BANP: variants seen among roughly 807,000 people sequenced by gnomAD.
BANP encodes BTG3 associated nuclear protein.
In BANP, 11 loss-of-function variants were observed where a neutral mutation model predicts 68.1. The observed-to-expected ratio is 0.16, with a 90% confidence interval of 0.10 to 0.27. BANP has a LOEUF of 0.27. BANP is among the 10% of genes least tolerant of loss of function. The pLI, the probability that BANP is intolerant of heterozygous loss-of-function variation, is 1.00. For synonymous variants in BANP, 329 were observed against 303.2 expected, an observed-to-expected ratio of 1.09 and a Z score of -0.88; for missense variants, 504 against 722.7, an observed-to-expected ratio of 0.70 and a Z score of 3.47.
chr16:87,974,480 C>A (rs986835687), intron 1 of BANP, among the ~76,000 whole-genome samples: 12 of 152,168 alleles, frequency 7.9e-5, no homozygotes, highest in African/African-American at 2.7e-4. Context: ...AGAAAGAAAG[C>A]AGAACAGAGG....
intron 11 of BANP, among the ~76,000 whole-genome samples, chr16:88,044,813 C>G (rs2081595722): frequency 6.6e-6 from 1 of 152,180 alleles, no homozygotes; most frequent in Non-Finnish European, 1.5e-5. Context: ...GAAACCCCTT[C>G]TCTACTAAAA....
In BANP at chr16:88,026,617, G is replaced by C. The variant is rs2077044015; in HGVS notation, c.896-866G>C. Among the ~76,000 whole-genome samples the C allele has an allele frequency of 3.9e-5, 6 of 152,134 alleles. 1 individual carries two copies. Among genetic ancestry groups the C allele is most frequent in the Admixed American group, 3.9e-4 (6 of 15,284 alleles). On this transcript the variant is annotated intron_variant, in intron 7 of 13. Transcript: ENST00000682872. ...CCAAACTGTGTTTACCAGGGGAACA[G>C]AGTAACAATACATACATGAATTCTC...
At position 88,001,127 on chromosome 16, in the gene BANP, C is replaced by T. The variant is rs536355390; in HGVS notation, c.363-3168C>T. On this transcript the variant is annotated intron_variant, in intron 4 of 13. Coordinates refer to ENST00000682872, the MANE Select transcript of BANP (RefSeq NM_001386991.1). ...CAGGCCTTCCAGACACGTCTCCATGCACGCACGTGCGCGGCTGTACTTACC... is the reference window on the plus strand; with the variant it reads ...CAGGCCTTCCAGACACGTCTCCATGTACGCACGTGCGCGGCTGTACTTACC... Among the ~76,000 whole-genome samples, 215 of 95,934 alleles carry T rather than the reference C, an allele frequency of 2.2e-3. 4 individuals are homozygous for T. The highest frequency in any genetic ancestry group is 9.6e-3 in the African/African-American group (203 of 21,154). The allele number at this position is 95,934 out of a possible 152,430, so 62.9% of individuals were successfully genotyped here.
Position 88,021,572 on chromosome 16 carries a change from A to G in BANP, c.895+2905A>G, listed in dbSNP as rs115294866. On this transcript the variant is annotated intron_variant, in intron 7 of 13. Transcript: ENST00000682872. ...GCGTGCCTGCGTGGCTCGTGCTTAG[A>G]CGGAATTGCTGAAACGTAAAAAGCA... Among the ~76,000 whole-genome samples, 1,268 of 152,306 alleles carry G rather than the reference A, an allele frequency of 8.3e-3. 18 individuals carry two copies. The highest frequency in any genetic ancestry group is 0.028 in the African/African-American group (1,184 of 41,566).
chr16:88,066,349 A>G (rs1215621881), intron 12 of BANP, among the ~76,000 whole-genome samples: 4 of 152,178 alleles, frequency 2.6e-5, no homozygotes, highest in African/African-American at 9.6e-5. Flanking sequence ...TTTTACTTTG[A>G]GTGAAACTCG....
chr16:88,045,897 T>G (rs776572991), intron 11 of BANP, among the ~76,000 whole-genome samples: 11 of 152,160 alleles, frequency 7.2e-5, no homozygotes, highest in Non-Finnish European at 1.3e-4. Flanking sequence ...AGTGCCCTCT[T>G]CACTGCAGTG....
chr16:87,954,500 T>C (rs1441526609), intron 1 of BANP, among the ~76,000 whole-genome samples: 1 of 152,206 alleles, frequency 6.6e-6, no homozygotes, highest in South Asian at 2.1e-4. Context: ...GGGGTGCTTT[T>C]GAAAGAGTCC....
chr16:87,980,022 C>G (rs1039582946), intron 2 of BANP, among the ~76,000 whole-genome samples: 1 of 152,150 alleles, frequency 6.6e-6, no homozygotes, highest in African/African-American at 2.4e-5. Context: ...GCAGACAAAC[C>G]TGTTGATGAG....
At chr16:87,963,677 G>A (rs945952499) in intron 1 of BANP, among the ~76,000 whole-genome samples, 8 of 152,232 alleles carry the variant, frequency 5.3e-5, no homozygotes, top group African/African-American at 1.9e-4. Context: ...AACCCGTTAC[G>A]TTGTGACACC....
chr16:87,990,732 T>C (rs987821851), intron 4 of BANP, among the ~76,000 whole-genome samples: 10 of 152,206 alleles, frequency 6.6e-5, no homozygotes, highest in Admixed American at 2.0e-4. Context: ...GACTGGTCTA[T>C]ACTACCTTGC....
intron 2 of BANP, among the ~76,000 whole-genome samples, chr16:87,978,902 G>T (rs1340620954): frequency 2.0e-5 from 3 of 152,202 alleles, no homozygotes; most frequent in Non-Finnish European, 4.4e-5. Context: ...CCCAGCTCAG[G>T]GCGGCCACAG....
rs1363021215 is a variant in BANP at position 88,004,301 on chromosome 16, C to A, written c.369C>A (p.Val123=). 7 of 1,536,502 alleles carry A rather than the reference C, an allele frequency of 4.6e-6. No individual in the cohort carries two copies. The highest frequency in any genetic ancestry group is 2.0e-5 in the Admixed American group (1 of 50,980). Residue 123 remains valine, a synonymous_variant, in exon 5 of 14, where the codon GTC becomes GTA. Transcript: ENST00000682872. This position sits in a 1 kb window ranked among gnomAD's most constrained non-coding sequence, Gnocchi z 7.0. ...TGATTCTTTTGTTCCCTAGCGTCGT[C>A]CCCCAGACTACAGTAATACTCAACA... ...TQTCNKVRCV[V]PQTTVILNND...
chr16:87,963,470 T>G (rs1045901225), intron 1 of BANP: 4 of 152,272 alleles, frequency 2.6e-5, no homozygotes, highest in African/African-American at 7.2e-5. Flanking sequence ...TCTGCATGGA[T>G]CTGATCACGG....
At chr16:88,014,515 T>G (rs1181211078) in intron 6 of BANP, among the ~76,000 whole-genome samples, 1 of 152,092 alleles carries the variant, frequency 6.6e-6, no homozygotes, top group Non-Finnish European at 1.5e-5. Context: ...ACTCACTGTT[T>G]GAAAAACAAC....
intron 11 of BANP, among the ~76,000 whole-genome samples, chr16:88,043,291 C>G (rs576967250): frequency 1.2e-3 from 178 of 152,286 alleles, no homozygotes; most frequent in African/African-American, 4.0e-3. Flanking sequence ...CTGCGTAGAG[C>G]TGAGCCTGGG....
At chr16:88,034,628 C>T (rs904042754) in intron 9 of BANP, among the ~76,000 whole-genome samples, 1 of 152,090 alleles carries the variant, frequency 6.6e-6, no homozygotes, top group Non-Finnish European at 1.5e-5. Context: ...CTCCCAGTAT[C>T]CCCAGAGAGC....
chr16:87,957,808 G>C lies in BANP; in HGVS notation c.-69+6293G>C, dbSNP rs1567574079. Among the ~76,000 whole-genome samples, 1 of 152,158 alleles carries C rather than the reference G, an allele frequency of 6.6e-6. No homozygotes were observed. The highest frequency in any genetic ancestry group is 1.9e-4 in the East Asian group (1 of 5,192). ...TCACCAGATGACGCGGGGGGAATTG[G>C]GCCACGGTCCCTGCTGTCATCATGG... On this transcript the variant is annotated intron_variant, in intron 1 of 13. Coordinates refer to ENST00000682872, the MANE Select transcript of BANP (RefSeq NM_001386991.1). This position sits in a 1 kb window ranked among gnomAD's most constrained non-coding sequence, Gnocchi z 4.3.
intron 1 of BANP, among the ~76,000 whole-genome samples, chr16:87,974,788 T>C (rs1296861054): frequency 2.6e-5 from 4 of 152,018 alleles, no homozygotes; most frequent in African/African-American, 9.7e-5. Flanking sequence ...TGGAAGGGCA[T>C]GAGGAACACA....
intron 10 of BANP, 72 bp from the exon 11 acceptor site, chr16:88,037,901 C>T (rs1240305607): frequency 3.7e-5 from 54 of 1,458,208 alleles, no homozygotes; most frequent in Non-Finnish European, 4.9e-5. Flanking sequence ...TGTGTCTTGG[C>T]GTGTTTGCCG....
Sources: gnomAD v4.1 joint callset for allele counts (sites outside exome capture counted in the v4.1 genomes callset) on GRCh38, gnomAD v4.1.1 for gene constraint, Gnocchi (gnomAD v3.1) non-coding constraint, MANE v1.5 for transcripts, NCBI Gene and HGNC (gene_info 2026-07-23, HGNC 2026-07-21) for gene names.